The following NFAT5 variants were observed in gnomAD, a reference collection of about 807,000 sequenced individuals.
The protein encoded by NFAT5 is nuclear factor of activated T cells 5.
In NFAT5, 31 loss-of-function variants were observed where a neutral mutation model predicts 166.5. That is an observed-to-expected ratio of 0.19 (90% CI 0.14 to 0.25). The LOEUF (loss-of-function observed/expected upper bound fraction) is 0.25. NFAT5 is among the 10% of genes least tolerant of loss of function. The probability of loss-of-function intolerance (pLI) is 1.00; values close to 1 mark genes in which losing one functional copy is unlikely to be tolerated. For missense variants in NFAT5, 1,449 were observed against 1,821.8 expected, an observed-to-expected ratio of 0.80 and a Z score of 3.72; for synonymous variants, 612 against 639.7, an observed-to-expected ratio of 0.96 and a Z score of 0.65.
In NFAT5 at chr16:69,661,539, T is replaced by TAAAAAAAAAAA. The variant is rs1037382239; in HGVS notation, c.1369+1658_1369+1668dup. ...AGCCTGTATAAGAGACCCAGTCTCT[T>TAAAAAAAAAAA]AAAAAAAAAAAAAAAAAAAAAAAAA... On this transcript the variant is annotated intron_variant, in intron 7 of 14. Coordinates refer to ENST00000349945, the MANE Select transcript of NFAT5 (RefSeq NM_138713.4). 1.4e-3 allele frequency among the ~76,000 whole-genome samples: 52 copies of TAAAAAAAAAAA among 37,934 alleles called. 5 individuals are homozygous for TAAAAAAAAAAA. Among genetic ancestry groups the TAAAAAAAAAAA allele is most frequent in the East Asian group, 4.0e-3 (3 of 754 alleles). The allele number at this position is 37,934 out of a possible 152,430, so 24.9% of individuals were successfully genotyped here.
At chr16:69,678,281 C>A (rs923909502) in intron 10 of NFAT5, among the ~76,000 whole-genome samples, 1 of 151,454 alleles carries the variant, frequency 6.6e-6, no homozygotes, top group Admixed American at 6.6e-5. Flanking sequence ...ATGGCGCGAT[C>A]TTGGCTCACT....
Position 69,647,816 on chromosome 16 carries a change from G to A in NFAT5, c.812+230G>A, listed in dbSNP as rs1414453899. Among the ~76,000 whole-genome samples the A allele has an allele frequency of 2.0e-5, 3 of 151,770 alleles. No homozygotes were observed. Among genetic ancestry groups the A allele is most frequent in the Admixed American group, 6.6e-5 (1 of 15,212 alleles). The stretch of plus-strand genomic sequence containing the variant: ...AGATATCTTATTATCAGTATAGTTA[G>A]GTAGTAGAAAATGAAAATAATCTGT... On this transcript the variant is annotated intron_variant, in intron 4 of 14. Transcript: ENST00000349945. This position sits in a 1 kb window ranked among gnomAD's most constrained non-coding sequence, Gnocchi z 4.8.
chr16:69,662,294 A>G (rs925906606), intron 7 of NFAT5, among the ~76,000 whole-genome samples: 4 of 152,130 alleles, frequency 2.6e-5, no homozygotes, highest in Non-Finnish European at 4.4e-5. Context: ...ACCCTTCTGT[A>G]GTAATTCTGG....
chr16:69,635,558 G>A (rs1026214132), intron 3 of NFAT5, among the ~76,000 whole-genome samples: 1 of 152,004 alleles, frequency 6.6e-6, no homozygotes, highest in Admixed American at 6.6e-5. Context: ...AGACATACCC[G>A]AGACTAGAAA....
At chr16:69,694,344 T>TC in intron 13 of NFAT5, 105 bp downstream of exon 13, 2 of 867,078 alleles carry the variant, frequency 2.3e-6, no homozygotes, top group Non-Finnish European at 1.7e-6. Context: ...ACCCTCTGCC[T>TC]CCCAGGTTCA....
At chr16:69,643,632 A>G (rs1194999792) in intron 3 of NFAT5, among the ~76,000 whole-genome samples, 1 of 151,370 alleles carries the variant, frequency 6.6e-6, no homozygotes, top group Non-Finnish European at 1.5e-5. Context: ...TTTGAATTAT[A>G]TTTGAATTAT....
In NFAT5 at chr16:69,700,687, GTCTTAT is replaced by G. The variant is rs1482331528; in HGVS notation, c.*4337_*4342del. 1 of 152,094 alleles carries G rather than the reference GTCTTAT, an allele frequency of 6.6e-6. No individual in the cohort carries two copies. The highest frequency in any genetic ancestry group is 1.5e-5 in the Non-Finnish European group (1 of 68,028). The allele number at this position is 152,094 out of a possible 1,614,324, so 9.4% of individuals were successfully genotyped here. On this transcript the variant is annotated 3_prime_UTR_variant, in exon 15 of 15. Coordinates refer to ENST00000349945, the MANE Select transcript of NFAT5 (RefSeq NM_138713.4). ...GGTTTTATCCCTAACCGAGACAGCT[GTCTTAT>G]ATCTGCATGCCTTAGACTGTGTGGA...
At chr16:69,577,727 A>C (rs2016837761) in intron 2 of NFAT5, among the ~76,000 whole-genome samples, 1 of 152,176 alleles carries the variant, frequency 6.6e-6, no homozygotes, top group South Asian at 2.1e-4. Context: ...ACAAACATAC[A>C]TACTTTTTAA....
chr16:69,631,759 G>A (rs534085803), intron 3 of NFAT5, among the ~76,000 whole-genome samples: 1 of 152,076 alleles, frequency 6.6e-6, no homozygotes, highest in East Asian at 2.0e-4. Context: ...CCGAGTAACT[G>A]GGACTACAGG....
At chr16:69,601,674 A>G (rs996427093) in intron 2 of NFAT5, among the ~76,000 whole-genome samples, 3 of 152,320 alleles carry the variant, frequency 2.0e-5, no homozygotes, top group South Asian at 2.1e-4. Context: ...ATGCCAATCA[A>G]TGTGGTTTAA....
intron 9 of NFAT5, among the ~76,000 whole-genome samples, chr16:69,674,327 TTTCTGGTC>T (rs1439366613): frequency 6.6e-6 from 1 of 152,062 alleles, no homozygotes; most frequent in African/African-American, 2.4e-5. Flanking sequence ...GTTCAATTGT[TTTCTGGTC>T]TTCTGGTCCA....
At chr16:69,590,329 T>C (rs1185425288) in intron 2 of NFAT5, among the ~76,000 whole-genome samples, 1 of 152,226 alleles carries the variant, frequency 6.6e-6, no homozygotes, top group Non-Finnish European at 1.5e-5. Flanking sequence ...TGCTATGGTA[T>C]GCAACAAAGT....
In NFAT5 at chr16:69,566,452, G is replaced by T. The variant is rs2016042098; in HGVS notation, c.73+78G>T. The T allele has an allele frequency of 3.1e-6, 4 of 1,288,186 alleles. No homozygotes were observed. In the South Asian group the frequency reaches 5.1e-5, roughly 16 times the overall value. The allele number at this position is 1,288,186 out of a possible 1,614,324, so 79.8% of individuals were successfully genotyped here. On this transcript the variant is annotated intron_variant, in intron 1 of 14. Transcript: ENST00000349945. This position sits in a 1 kb window ranked among gnomAD's most constrained non-coding sequence, Gnocchi z 5.7. Reference sequence around the variant, plus strand: ...GGAGACAGGGCCAGGGGAGGCGAGGGGTCCCCGTCCCGCCGGGGGCGGCTG... The same window carrying T: ...GGAGACAGGGCCAGGGGAGGCGAGGTGTCCCCGTCCCGCCGGGGGCGGCTG...
intron 2 of NFAT5, among the ~76,000 whole-genome samples, chr16:69,620,101 G>A (rs2034131500): frequency 6.6e-6 from 1 of 152,156 alleles, no homozygotes; most frequent in African/African-American, 2.4e-5. Flanking sequence ...CCAACATTGG[G>A]AAGCATTAAT....
At position 69,701,339 on chromosome 16, in the gene NFAT5, T is replaced by A. The variant is rs1030612640; in HGVS notation, c.*4988T>A. On this transcript the variant is annotated 3_prime_UTR_variant, in exon 15 of 15. Transcript: ENST00000349945. Reference sequence around the variant, plus strand: ...GTTTTTACTTTCTCTTTCAGGAAATTTTTTAAATTAATATTTTATATCTAG... The same window carrying A: ...GTTTTTACTTTCTCTTTCAGGAAATATTTTAAATTAATATTTTATATCTAG... 3 of 152,586 alleles carry A rather than the reference T, an allele frequency of 2.0e-5. No individual in the cohort carries two copies. Among genetic ancestry groups the A allele is most frequent in the African/African-American group, 7.2e-5 (3 of 41,442 alleles). 9.5% of individuals were successfully genotyped at this position (152,586 alleles called of 1,614,324 possible).
chr16:69,566,361 CCTCTA>C lies in NFAT5; in HGVS notation c.64_68del (p.Tyr22AlafsTer14). On this transcript the variant is annotated frameshift_variant, in exon 1 of 15. Coordinates refer to ENST00000349945, the MANE Select transcript of NFAT5 (RefSeq NM_138713.4). LOFTEE classifies it high-confidence loss of function. This position sits in a 1 kb window ranked among gnomAD's most constrained non-coding sequence, Gnocchi z 5.7. ...ACCTAGACCTGGAATCGCCCAAGTC[CCTCTA>C]CTCGCGAGGTGAGTCAGGCTGTGGG... 1 of 1,606,580 alleles carries C rather than the reference CCTCTA, an allele frequency of 6.2e-7. No homozygotes were observed. The highest frequency in any genetic ancestry group is 8.5e-7 in the Non-Finnish European group (1 of 1,177,584).
At chr16:69,695,435 C>CCTAAATCTGTTAAGA in intron 14 of NFAT5, 56 bp downstream of exon 14, 1 of 1,264,600 alleles carries the variant, frequency 7.9e-7, no homozygotes, top group African/African-American at 1.5e-5. Context: ...TTCTTCTTAA[C>CCTAAATCTGTTAAGA]AGATTTAGGT....
intron 3 of NFAT5, among the ~76,000 whole-genome samples, chr16:69,635,929 A>T (rs2034946210): frequency 6.6e-6 from 1 of 151,856 alleles, no homozygotes; most frequent in Non-Finnish European, 1.5e-5. Flanking sequence ...AAACTCATTA[A>T]CTCATTTCAG....
intron 6 of NFAT5, among the ~76,000 whole-genome samples, chr16:69,659,355 T>A (rs142041501): frequency 0.059 from 8,986 of 151,678 alleles, 289 homozygotes; most frequent in Middle Eastern, 0.11. Flanking sequence ...GGCAGGAGAA[T>A]CCCTTGAACC....
Sources: gnomAD v4.1 joint callset for allele counts (sites outside exome capture counted in the v4.1 genomes callset) on GRCh38, gnomAD v4.1.1 for gene constraint, Gnocchi (gnomAD v3.1) non-coding constraint, MANE v1.5 for transcripts, NCBI Gene and HGNC (gene_info 2026-07-23, HGNC 2026-07-21) for gene names.